ACOX3: variants seen among roughly 807,000 people sequenced by gnomAD.
The protein encoded by ACOX3 is acyl-CoA oxidase 3, pristanoyl.
Under a neutral mutation model 81.5 loss-of-function variants are expected in ACOX3, and 73 were observed. The observed-to-expected ratio is 0.90, with a 90% CI of 0.74 to 1.09. ACOX3 has a LOEUF of 1.09. ACOX3 is among the 50% of genes least tolerant of loss of function. The pLI is 0.00. For synonymous variants in ACOX3, 387 were observed against 375.1 expected (o/e 1.03, Z -0.37); for missense variants, 947 against 928.0 (o/e 1.02, Z -0.27).
rs769843104 is a variant in ACOX3, at chr4:8,414,578, C to T, written c.454-197G>A. ...ACCACAGCAGCCTAAACCAAGCTGA[C>T]CGCAGCTGCTCCACGTCAGCAAGGT... On this transcript the variant is annotated intron_variant, in intron 4 of 17. Coordinates refer to ENST00000356406, the MANE Select transcript of ACOX3 (RefSeq NM_003501.3). The surrounding 1 kb of genome is among the most constrained non-coding windows in gnomAD (Gnocchi z 6.1). Among the ~76,000 whole-genome samples the T allele has an allele frequency of 6.6e-6, 1 of 152,170 alleles. No homozygotes were observed. Among genetic ancestry groups the T allele is most frequent in the African/African-American group, 2.4e-5 (1 of 41,438 alleles).
chr4:8,402,157 C>T (rs904764806), intron 7 of ACOX3, among the ~76,000 whole-genome samples: 13 of 152,234 alleles, frequency 8.5e-5, no homozygotes, highest in East Asian at 1.9e-4. Context: ...AAAGACACAG[C>T]GACAGTTTCC....
Position 8,370,824 on chromosome 4 carries a change from C to A in ACOX3, c.1983+84G>T, listed in dbSNP as rs1716090512. 5 of 1,327,932 alleles carry A rather than the reference C, an allele frequency of 3.8e-6. No individual in the cohort carries two copies. Among genetic ancestry groups the A allele is most frequent in the Non-Finnish European group, 2.1e-6 (2 of 934,212 alleles). 82.3% of individuals were successfully genotyped at this position (1,327,932 alleles called of 1,614,324 possible). A position where few individuals can be genotyped will look rare whatever the true frequency, so the allele number is the denominator to read the frequency against. Reference sequence around the variant, plus strand: ...GACCACTTTCCAGAAGACACCAGACCCCTGACCCACAGGAGCATCTCAGCT... The same window carrying A: ...GACCACTTTCCAGAAGACACCAGACACCTGACCCACAGGAGCATCTCAGCT... On this transcript the variant is annotated intron_variant, in intron 17 of 17. Coordinates refer to ENST00000356406, the MANE Select transcript of ACOX3 (RefSeq NM_003501.3). This position sits in a 1 kb window ranked among gnomAD's most constrained non-coding sequence, Gnocchi z 6.3.
chr4:8,399,621 G>A lies in ACOX3; in HGVS notation c.808C>T (p.Arg270Cys), dbSNP rs749601229. The A allele has an allele frequency of 1.1e-5, 18 of 1,614,056 alleles. No homozygotes were observed. Among genetic ancestry groups the A allele is most frequent in the Admixed American group, 1.7e-5 (1 of 60,008 alleles). Residue 270 changes from arginine (R) to cysteine (C), a missense_variant, in exon 8 of 18, where the codon CGC (arginine) becomes TGC (cysteine). Arg to Cys is a radical substitution (Grantham distance 180). Coordinates refer to ENST00000356406, the MANE Select transcript of ACOX3 (RefSeq NM_003501.3). This position sits in a 1 kb window ranked among gnomAD's most constrained non-coding sequence, Gnocchi z 4.9. The stretch of plus-strand genomic sequence containing the variant: ...CCCATCCGGTTCAGAAGGCTCTGGC[G>A]AGGAACTCTGACCTTGTGGAACATG... ...FAMFHKVRVP[R>C]QSLLNRMGDV...
rs1032470033 is a variant in ACOX3 at position 8,405,290 on chromosome 4, C to T, written c.776+665G>A. Among the ~76,000 whole-genome samples the T allele has an allele frequency of 1.3e-5, 2 of 152,334 alleles. No homozygotes were observed. The highest frequency in any genetic ancestry group is 2.4e-5 in the African/African-American group (1 of 41,582). ...TGCTTCCTCCACCTGAAACGCTGCA[C>T]ATTCCAAAATCACTGGCCACTTCTC... On this transcript the variant is annotated intron_variant, in intron 7 of 17. Transcript: ENST00000356406. This position sits in a 1 kb window ranked among gnomAD's most constrained non-coding sequence, Gnocchi z 7.1.
intron 1 of ACOX3, among the ~76,000 whole-genome samples, chr4:8,418,252 C>G (rs944403078): frequency 1.9e-4 from 29 of 152,170 alleles, no homozygotes; most frequent in Admixed American, 2.6e-4. Context: ...AATACAGATG[C>G]AAAAATCCTG....
intron 1 of ACOX3, among the ~76,000 whole-genome samples, chr4:8,440,312 G>A (rs532643012): frequency 7.9e-5 from 12 of 152,326 alleles, no homozygotes; most frequent in African/African-American, 2.9e-4. Flanking sequence ...TTTGTCTGTG[G>A]CTTGTCCTGC....
Position 8,423,863 on chromosome 4 carries a change from G to A in ACOX3, c.-14-7328C>T, listed in dbSNP as rs1009130527. ...TTCATGGACAGCCCCCATCTATTTG[G>A]CCAGGCATTAGCCCGAGACTTGAGC... On this transcript the variant is annotated intron_variant, in intron 1 of 17. Coordinates refer to ENST00000356406, the MANE Select transcript of ACOX3 (RefSeq NM_003501.3). This position sits in a 1 kb window ranked among gnomAD's most constrained non-coding sequence, Gnocchi z 4.2. Among the ~76,000 whole-genome samples, 3 of 152,170 alleles carry A rather than the reference G, an allele frequency of 2.0e-5. No individual in the cohort carries two copies. The highest frequency in any genetic ancestry group is 7.2e-5 in the African/African-American group (3 of 41,434).
Position 8,410,241 on chromosome 4 carries a change from A to C in ACOX3, c.658T>G (p.Cys220Gly). The change falls in exon 6 of 18, where the codon TGC becomes GGC. Residue 220 changes from cysteine to glycine, a missense_variant. Physicochemically the swap from Cys to Gly is radical, Grantham distance 159 (BLOSUM62 -3). Transcript: ENST00000356406. ...FAKLCVPGDQ[C>G]HGLHPFIVQI... is the part of the protein sequence containing the mutation. Reference sequence around the variant, plus strand: ...ACGATAAAGGGATGCAGCCCATGGCACTGGTCCCCTGGCACACACAGCTTA... The same window carrying C: ...ACGATAAAGGGATGCAGCCCATGGCCCTGGTCCCCTGGCACACACAGCTTA... 6.2e-7 allele frequency: 1 copy of C among 1,614,072 alleles called. No individual in the cohort carries two copies. The highest frequency in any genetic ancestry group is 8.5e-7 in the Non-Finnish European group (1 of 1,179,938).
downstream of ACOX3, among the ~76,000 whole-genome samples, chr4:8,362,865 A>AT (rs1715264148): frequency 6.6e-6 from 1 of 152,258 alleles, no homozygotes; most frequent in Non-Finnish European, 1.5e-5. Flanking sequence ...ATCAAAGCCA[A>AT]TTTAAAAAGA....
In ACOX3 at chr4:8,381,099, C is replaced by T. The variant is rs908886186; in HGVS notation, c.1653+393G>A. Among the ~76,000 whole-genome samples the T allele has an allele frequency of 2.6e-5, 4 of 152,218 alleles. No homozygotes were observed. The highest frequency in any genetic ancestry group is 7.2e-5 in the African/African-American group (3 of 41,466). ...TTGCCACCCCAGCCCCTCGGGAAGG[C>T]GAGAGCAACTTGTGGAAAACCAAGC... On this transcript the variant is annotated intron_variant, in intron 14 of 17. Coordinates refer to ENST00000356406, the MANE Select transcript of ACOX3 (RefSeq NM_003501.3). The surrounding 1 kb of genome is among the most constrained non-coding windows in gnomAD (Gnocchi z 4.3).
chr4:8,362,568 A>G (rs1715249746), downstream of ACOX3, among the ~76,000 whole-genome samples: 2 of 152,262 alleles, frequency 1.3e-5, no homozygotes, highest in African/African-American at 4.8e-5. Context: ...CAAGGCTTTA[A>G]CTGGAATGGG....
downstream of ACOX3, among the ~76,000 whole-genome samples, chr4:8,361,847 T>C (rs909860110): frequency 6.6e-6 from 1 of 152,236 alleles, no homozygotes; most frequent in Non-Finnish European, 1.5e-5. Context: ...GGAAGCATTA[T>C]CAAATGTGAA....
At chr4:8,367,660 C>A (rs1312891407) in intron 17 of ACOX3, among the ~76,000 whole-genome samples, 4 of 151,456 alleles carry the variant, frequency 2.6e-5, no homozygotes, top group Non-Finnish European at 5.9e-5. Flanking sequence ...ATGAAAATCA[C>A]CCCTCGCCCT....
At chr4:8,427,570 T>C (rs888392445) in intron 1 of ACOX3, among the ~76,000 whole-genome samples, 2 of 152,234 alleles carry the variant, frequency 1.3e-5, no homozygotes, top group Admixed American at 6.5e-5. Context: ...TTCATCCTAA[T>C]TGAGGTGAAC....
intron 1 of ACOX3, among the ~76,000 whole-genome samples, chr4:8,436,924 G>A (rs1159569364): frequency 2.1e-5 from 3 of 144,330 alleles, no homozygotes; most frequent in East Asian, 4.1e-4. Context: ...CCTGGGAGGT[G>A]GAGTTTGCAG....
intron 1 of ACOX3, chr4:8,428,393 C>T (rs1013728709): frequency 2.0e-5 from 3 of 152,800 alleles, no homozygotes; most frequent in African/African-American, 7.2e-5. Context: ...GCGACCGACT[C>T]GGAGTACTGG....
chr4:8,381,215 C>T lies in ACOX3; in HGVS notation c.1653+277G>A, dbSNP rs1205560727. Among the ~76,000 whole-genome samples, 1 of 152,194 alleles carries T rather than the reference C, an allele frequency of 6.6e-6. No individual in the cohort carries two copies. Among genetic ancestry groups the T allele is most frequent in the Non-Finnish European group, 1.5e-5 (1 of 68,022 alleles). The stretch of plus-strand genomic sequence containing the variant: ...CCACTCTGTGCATCCAAGGCTCTCA[C>T]AACCCAGAGCTTCACCGCTCTGGTT... On this transcript the variant is annotated intron_variant, in intron 14 of 17. Coordinates refer to ENST00000356406, the MANE Select transcript of ACOX3 (RefSeq NM_003501.3). This position sits in a 1 kb window ranked among gnomAD's most constrained non-coding sequence, Gnocchi z 4.3.
At position 8,399,745 on chromosome 4, in the gene ACOX3, C is replaced by T. The variant is rs151147792; in HGVS notation, c.777-93G>A. ...GCAGCCTAAAAGCTGATGCAATCCC[C>T]GAGGACAAAGAAAATGGCAGAGGGC... On this transcript the variant is annotated intron_variant, in intron 7 of 17. Transcript: ENST00000356406. The surrounding 1 kb of genome is among the most constrained non-coding windows in gnomAD (Gnocchi z 4.9). The T allele has an allele frequency of 8.9e-4, 1,024 of 1,150,050 alleles. 7 individuals carry two copies. The African/African-American group carries it at 0.014, about 15-fold the overall frequency. 71.2% of individuals were successfully genotyped at this position (1,150,050 alleles called of 1,614,324 possible). A position where few individuals can be genotyped will look rare whatever the true frequency, so the allele number is the denominator to read the frequency against.
chr4:8,393,576 A>ATTTCCT lies in ACOX3; in HGVS notation c.1179+1043_1179+1044insAGGAAA, dbSNP rs1293106291. ...TTTTTAATTTTAAAAAAGAAAGACAATTAAAAAGGAAAAACAATTAAGAGG... is the reference window on the plus strand; with the variant it reads ...TTTTTAATTTTAAAAAAGAAAGACAATTTCCTTTAAAAAGGAAAAACAATTAAGAGG... On this transcript the variant is annotated intron_variant, in intron 10 of 17. Coordinates refer to ENST00000356406, the MANE Select transcript of ACOX3 (RefSeq NM_003501.3). 1.3e-5 allele frequency among the ~76,000 whole-genome samples: 2 copies of ATTTCCT among 151,792 alleles called. 1 individual carries two copies. The highest frequency in any genetic ancestry group is 1.3e-4 in the Admixed American group (2 of 15,248).
Sources: gnomAD v4.1 joint callset for allele counts (sites outside exome capture counted in the v4.1 genomes callset) on GRCh38, gnomAD v4.1.1 for gene constraint, Gnocchi (gnomAD v3.1) non-coding constraint, MANE v1.5 for transcripts, NCBI Gene and HGNC (gene_info 2026-07-23, HGNC 2026-07-21) for gene names.